Variants in MMP26 observed in about 807,000 individuals in gnomAD.
MMP26 encodes matrix metalloproteinase-26.
Under a neutral mutation model 31.0 loss-of-function variants are expected in MMP26, and 33 were observed. That is an observed-to-expected ratio of 1.06 (90% CI 0.81 to 1.42). The LOEUF (loss-of-function observed/expected upper bound fraction) is 1.42. MMP26 is among the 40% of genes most tolerant of loss of function. MMP26 has a pLI of 0.00. For synonymous variants in MMP26, 122 were observed against 114.9 expected, an observed-to-expected ratio of 1.06 and a Z score of -0.40; for missense variants, 347 against 316.1, an observed-to-expected ratio of 1.10 and a Z score of -0.74.
At chr11:4,841,040 C>T (rs188487624) in intron 2 of MMP26, among the ~76,000 whole-genome samples, 8 of 152,184 alleles carry the variant, frequency 5.3e-5, no homozygotes, top group African/African-American at 1.9e-4. Flanking sequence ...GCATTAGAGT[C>T]CTTTAATCAC....
At chr11:4,941,371 A>G (rs1428205430) in intron 2 of MMP26, among the ~76,000 whole-genome samples, 2 of 152,214 alleles carry the variant, frequency 1.3e-5, no homozygotes, top group African/African-American at 4.8e-5. Flanking sequence ...TTAGAAAGAG[A>G]CAAATTCATT....
chr11:4,753,088 T>G (rs1475097188), intron 1 of MMP26: 3 of 152,138 alleles, frequency 2.0e-5, no homozygotes, highest in Non-Finnish European at 4.4e-5. Context: ...GCATAAAACT[T>G]TAGAGTACAG....
intron 5 of MMP26, 26 bp downstream of exon 5, chr11:4,990,772 A>G: frequency 1.9e-6 from 3 of 1,612,994 alleles, no homozygotes; most frequent in South Asian, 1.1e-5. Flanking sequence ...GGGAAGAAGG[A>G]TATGTATATG....
At chr11:4,971,903 C>T (rs181697712) in intron 2 of MMP26, among the ~76,000 whole-genome samples, 59 of 152,218 alleles carry the variant, frequency 3.9e-4, no homozygotes, top group Non-Finnish European at 6.3e-4. Flanking sequence ...CCAGATCTCA[C>T]AGGAACATAG....
intron 2 of MMP26, among the ~76,000 whole-genome samples, chr11:4,956,869 A>C (rs1846451171): frequency 6.6e-6 from 1 of 152,228 alleles, no homozygotes; most frequent in Admixed American, 6.5e-5. Context: ...GTACACAATA[A>C]TGACCAATAT....
At position 4,822,269 on chromosome 11, in the gene MMP26, T is replaced by C. The variant is rs1370467662; in HGVS notation, c.-145+54928T>C. 3 of 1,564,850 alleles carry C rather than the reference T, an allele frequency of 1.9e-6. No homozygotes were observed. In the South Asian group the frequency reaches 3.6e-5, roughly 19 times the overall value. ...CACATCATCATGGCCAATGTCTTTC[T>C]GCTAATCCCTCCTGTGCTCAACCCT... On this transcript the variant is annotated intron_variant, in intron 2 of 7. Transcript: ENST00000380390.
intron 2 of MMP26, chr11:4,769,679 A>C (rs749934139): frequency 6.2e-7 from 1 of 1,613,124 alleles, no homozygotes; most frequent in Non-Finnish European, 8.5e-7. Flanking sequence ...TGTTGTTGAC[A>C]ATGAAGAAAC....
chr11:4,935,096 T>C (rs1207368499), intron 2 of MMP26, among the ~76,000 whole-genome samples: 1 of 151,758 alleles, frequency 6.6e-6, no homozygotes. Flanking sequence ...AAAGTATTTT[T>C]TTCCAATTCT....
intron 2 of MMP26, among the ~76,000 whole-genome samples, chr11:4,812,534 A>G (rs894453200): frequency 1.4e-4 from 22 of 152,194 alleles, no homozygotes; most frequent in Non-Finnish European, 2.6e-4. Flanking sequence ...GGGGAAAGAA[A>G]AAAAGAGGTA....
intron 2 of MMP26, among the ~76,000 whole-genome samples, chr11:4,878,289 C>G (rs1389448959): frequency 1.3e-5 from 2 of 152,112 alleles, no homozygotes; most frequent in African/African-American, 4.8e-5. Context: ...TCTATCCGGA[C>G]TGCTTAGTCC....
intron 2 of MMP26, among the ~76,000 whole-genome samples, chr11:4,828,735 G>A (rs1370440587): frequency 6.6e-6 from 1 of 152,076 alleles, no homozygotes; most frequent in Non-Finnish European, 1.5e-5. Context: ...TTCTTTTCTA[G>A]GCCTTAATTA....
rs115634901 is a variant in MMP26 at position 4,725,412 on chromosome 11, A to G, written c.-217+20367A>G. On this transcript the variant is annotated intron_variant, in intron 1 of 7. Coordinates refer to ENST00000380390, the MANE Select transcript of MMP26 (RefSeq NM_021801.5). Reference sequence around the variant, plus strand: ...CTTAAAATTGCAAATGTCTTTTTACATACCCTAATGGTGAGCTAGCTTAGT... The same window carrying G: ...CTTAAAATTGCAAATGTCTTTTTACGTACCCTAATGGTGAGCTAGCTTAGT... Among the ~76,000 whole-genome samples the G allele has an allele frequency of 5.2e-3, 796 of 152,366 alleles. 9 individuals carry two copies. The highest frequency in any genetic ancestry group is 0.018 in the African/African-American group (752 of 41,592).
intron 2 of MMP26, chr11:4,804,128 A>G: frequency 6.2e-7 from 1 of 1,614,152 alleles, no homozygotes; most frequent in Non-Finnish European, 8.5e-7. Context: ...AATATGGCCA[A>G]CATCTTAGGT....
chr11:4,794,602 G>T (rs1849079555), intron 2 of MMP26, among the ~76,000 whole-genome samples: 2 of 152,100 alleles, frequency 1.3e-5, no homozygotes, highest in African/African-American at 4.8e-5. Flanking sequence ...TGTCAGCTCA[G>T]GGACTCTTTA....
At chr11:4,895,652 A>C (rs748340216) in intron 2 of MMP26, among the ~76,000 whole-genome samples, 1 of 152,220 alleles carries the variant, frequency 6.6e-6, no homozygotes, top group Non-Finnish European at 1.5e-5. Flanking sequence ...GGCTGGATGC[A>C]GTGGCTCATG....
intron 2 of MMP26, among the ~76,000 whole-genome samples, chr11:4,956,038 T>C (rs1405404974): frequency 7.2e-5 from 11 of 152,354 alleles, no homozygotes; most frequent in East Asian, 5.8e-4. Context: ...CTGTAAAATA[T>C]GAGTAAATCC....
intron 2 of MMP26, among the ~76,000 whole-genome samples, chr11:4,981,021 CAA>C (rs149028018): frequency 0.012 from 1,893 of 151,912 alleles, 50 homozygotes; most frequent in African/African-American, 0.043. Flanking sequence ...CAATAAATAA[CAA>C]TATAAACATA....
chr11:4,897,609 A>T (rs1161329614), intron 2 of MMP26, among the ~76,000 whole-genome samples: 1 of 151,736 alleles, frequency 6.6e-6, no homozygotes, highest in Non-Finnish European at 1.5e-5. Flanking sequence ...AAAATCAAGT[A>T]TGTTTCAGTA....
At chr11:4,718,390 A>G (rs923797775) in intron 1 of MMP26, among the ~76,000 whole-genome samples, 1 of 152,232 alleles carries the variant, frequency 6.6e-6, no homozygotes, top group Non-Finnish European at 1.5e-5. Context: ...CAAATTCTGT[A>G]TCCTCAGGGA....
Sources: gnomAD v4.1 joint callset for allele counts (sites outside exome capture counted in the v4.1 genomes callset) on GRCh38, gnomAD v4.1.1 for gene constraint, MANE v1.5 for transcripts, NCBI Gene and HGNC (gene_info 2026-07-23, HGNC 2026-07-21) for gene names.